MYG1: variants seen among roughly 807,000 people sequenced by gnomAD.
MYG1 encodes the protein MYG1 exonuclease, also known as UPF0160 protein MYG1, mitochondrial.
A neutral mutation model predicts 43.5 loss-of-function variants in MYG1; 36 were observed. The observed-to-expected ratio is 0.83, with a 90% CI of 0.63 to 1.09. MYG1 has a LOEUF of 1.09. MYG1 is among the 50% of genes least tolerant of loss of function. The pLI is 0.00. For missense variants in MYG1, 529 were observed against 495.1 expected, an observed-to-expected ratio of 1.07 and a Z score of -0.65; for synonymous variants, 220 against 202.8, an observed-to-expected ratio of 1.08 and a Z score of -0.72.
At chr12:53,300,038 T>C in intron 1 of MYG1, 85 bp downstream of exon 1, 1 of 1,562,552 alleles carries the variant, frequency 6.4e-7, no homozygotes. Flanking sequence ...GTCACTCCGA[T>C]AGCGCCCGGC....
chr12:53,304,871 T>G (rs1944259947), intron 3 of MYG1, among the ~76,000 whole-genome samples: 2 of 142,752 alleles, frequency 1.4e-5, no homozygotes, highest in Admixed American at 7.0e-5. Flanking sequence ...GTTTTTTTTT[T>G]TTTTTTTTTT....
rs1256063807 is a variant in MYG1, at chr12:53,299,715, T to C, written c.-23T>C. On this transcript the variant is annotated 5_prime_UTR_variant, in exon 1 of 7. Transcript: ENST00000267103. ...GCTTCCTCTTCCGGGTCGGCGCTCCTGCCTCCCTGCAGGGAGCTGCTTATG... is the reference window on the plus strand; with the variant it reads ...GCTTCCTCTTCCGGGTCGGCGCTCCCGCCTCCCTGCAGGGAGCTGCTTATG... 6.9e-6 allele frequency: 11 copies of C among 1,594,648 alleles called. No individual in the cohort carries two copies. The highest frequency in any genetic ancestry group is 2.7e-5 in the African/African-American group (2 of 74,366).
chr12:53,306,976 C>T lies in MYG1; in HGVS notation c.958C>T (p.Pro320Ser). ...CCTCTTTCTGCCCAGGCTGCCCCTG[C>T]CAGAGCCATGGCGGGGTCTTCGGGA... is the stretch of plus-strand genomic sequence containing the variant. Reference protein sequence around the residue: ...PHSFQSRLPLPEPWRGLRDEA... With the variant: ...PHSFQSRLPLSEPWRGLRDEA... Residue 320 changes from proline (P) to serine (S), a missense_variant, in exon 7 of 7, where the codon CCA becomes TCA. Physicochemically the swap from Pro to Ser is moderately conservative, Grantham distance 74 (BLOSUM62 -1). Coordinates refer to ENST00000267103, the MANE Select transcript of MYG1 (RefSeq NM_021640.4). The T allele has an allele frequency of 6.2e-7, 1 of 1,613,556 alleles. No individual in the cohort carries two copies. The highest frequency in any genetic ancestry group is 1.1e-5 in the South Asian group (1 of 91,024).
intron 5 of MYG1, 147 bp downstream of exon 5, chr12:53,306,467 C>G: frequency 8.0e-7 from 1 of 1,252,992 alleles, no homozygotes; most frequent in Non-Finnish European, 1.1e-6. Context: ...CCTCAGCCTC[C>G]TGAGTAGCTG....
rs151319927 is a variant in MYG1 at position 53,300,221 on chromosome 12, C to A, written c.288C>A (p.Gly96=). The change falls in exon 2 of 7, where the codon GGC becomes GGA. Residue 96 remains glycine, a synonymous_variant. Coordinates refer to ENST00000267103, the MANE Select transcript of MYG1 (RefSeq NM_021640.4). ...GTGACATCGTGGTGGACGTGGGGGG[C>A]GAGTACGACCCTCGGAGACACCGAT... ...ASCDIVVDVG[G]EYDPRRHRYD... 113 of 1,602,768 alleles carry A rather than the reference C, an allele frequency of 7.1e-5. No homozygotes were observed. The African/African-American group carries it at 1.4e-3, about 20-fold the overall frequency.
chr12:53,306,533 A>G (rs1944283938), intron 5 of MYG1, 147 bp from the exon 6 acceptor site: 2 of 1,078,496 alleles, frequency 1.9e-6, no homozygotes, highest in African/African-American at 1.6e-5. Flanking sequence ...TTGTAGAGAC[A>G]GGGTCTTACT....
At chr12:53,301,369 A>G (rs929405955) in intron 2 of MYG1, among the ~76,000 whole-genome samples, 6 of 152,222 alleles carry the variant, frequency 3.9e-5, no homozygotes, top group African/African-American at 1.4e-4. Context: ...AGAAGTAATT[A>G]TCTTGGAGAG....
At chr12:53,306,888 G>A (rs1262617676) in intron 6 of MYG1, 27 bp downstream of exon 6, 2 of 1,609,002 alleles carry the variant, frequency 1.2e-6, no homozygotes, top group African/African-American at 2.7e-5. Context: ...CCACTCTGCA[G>A]ACCTTCAGGC....
chr12:53,304,317 G>T (rs1297299214), intron 3 of MYG1, among the ~76,000 whole-genome samples: 1 of 151,622 alleles, frequency 6.6e-6, no homozygotes, highest in African/African-American at 2.4e-5. Context: ...ACGGGGTCTT[G>T]CTCTGTCATC....
intron 2 of MYG1, among the ~76,000 whole-genome samples, chr12:53,302,405 T>G (rs1302153595): frequency 1.3e-5 from 2 of 152,236 alleles, no homozygotes; most frequent in African/African-American, 4.8e-5. Flanking sequence ...GTTATATCTT[T>G]TCTCTATTTT....
At chr12:53,305,078 CG>C (rs1944262994) in intron 3 of MYG1, among the ~76,000 whole-genome samples, 1 of 150,720 alleles carries the variant, frequency 6.6e-6, no homozygotes, top group Admixed American at 6.6e-5. Context: ...CCGTTTTAGC[CG>C]GGATGGTCTC....
In MYG1 at chr12:53,305,901, G is replaced by A. The variant is rs1291844380; in HGVS notation, c.490-7G>A. ...CCTCAAGAAGGTTTCCCCTGCTGCT[G>A]CCTTAGATGTATGAGAACTTTGTGG... On this transcript the variant is annotated splice_region_variant and splice_polypyrimidine_tract_variant and intron_variant, in intron 3 of 6. Transcript: ENST00000267103. 1.3e-6 allele frequency: 2 copies of A among 1,591,878 alleles called. No individual in the cohort carries two copies. The highest frequency in any genetic ancestry group is 1.7e-6 in the Non-Finnish European group (2 of 1,170,736).
chr12:53,299,812 GCTCGGTCCAGAGT>G lies in MYG1; in HGVS notation c.77_89del (p.Leu26ProfsTer87), dbSNP rs1944209230. 6.2e-7 allele frequency: 1 copy of G among 1,614,026 alleles called. No homozygotes were observed. Among genetic ancestry groups the G allele is most frequent in the African/African-American group, 1.3e-5 (1 of 74,920 alleles). Reference sequence around the variant, plus strand: ...CACCCCTGTATACCCGGCACCGCATGCTCGGTCCAGAGTCCGTCCCGCCCCCAAAACGATCCCG... The same window carrying G: ...CACCCCTGTATACCCGGCACCGCATGCCGTCCCGCCCCCAAAACGATCCCG... On this transcript the variant is annotated frameshift_variant, in exon 1 of 7. Coordinates refer to ENST00000267103, the MANE Select transcript of MYG1 (RefSeq NM_021640.4). LOFTEE classifies it high-confidence loss of function.
chr12:53,305,858 C>T lies in MYG1; in HGVS notation c.490-50C>T. Reference sequence around the variant, plus strand: ...ACATACTTTGAATCATGTAAGATTTCACATAAGTAGCAGGTAGCCTCAAGA... The same window carrying T: ...ACATACTTTGAATCATGTAAGATTTTACATAAGTAGCAGGTAGCCTCAAGA... On this transcript the variant is annotated intron_variant, in intron 3 of 6. Coordinates refer to ENST00000267103, the MANE Select transcript of MYG1 (RefSeq NM_021640.4). 2.6e-6 allele frequency: 4 copies of T among 1,537,218 alleles called. No individual in the cohort carries two copies. In the East Asian group the frequency reaches 9.1e-5, roughly 35 times the overall value.
chr12:53,303,398 A>G, intron 3 of MYG1: 3 of 551,692 alleles, frequency 5.4e-6, no homozygotes, highest in Non-Finnish European at 9.4e-6. Context: ...TGGTTGTGAG[A>G]AGTGGATGCT....
chr12:53,299,991 T>C (rs1245534445), intron 1 of MYG1, 38 bp downstream of exon 1: 1 of 1,610,292 alleles, frequency 6.2e-7, no homozygotes, highest in Non-Finnish European at 8.5e-7. Context: ...ACTGCGTGCA[T>C]GCATGCCTCC....
chr12:53,305,972 G>T lies in MYG1; in HGVS notation c.554G>T (p.Gly185Val), dbSNP rs753491194. 1 of 1,613,910 alleles carries T rather than the reference G, an allele frequency of 6.2e-7. No individual in the cohort carries two copies. The highest frequency in any genetic ancestry group is 1.1e-5 in the South Asian group (1 of 91,062). The stretch of plus-strand genomic sequence containing the variant: ...AATGGGATCTCCCAGTGGGCAGAGG[G>T]GGAGCCTCGATATGCACTGACCACT... ...VDNGISQWAE[G>V]EPRYALTTTL... Residue 185 changes from glycine to valine, a missense_variant, in exon 4 of 7, where the codon GGG (glycine) becomes GTG (valine). Transcript: ENST00000267103.
In MYG1 at chr12:53,305,893, C is replaced by CT. The variant is rs1944272514; in HGVS notation, c.490-14dup. On this transcript the variant is annotated splice_polypyrimidine_tract_variant and intron_variant, in intron 3 of 6. Transcript: ENST00000267103. ...GCAGGTAGCCTCAAGAAGGTTTCCC[C>CT]TGCTGCTGCCTTAGATGTATGAGAA... 1 of 1,571,698 alleles carries CT rather than the reference C, an allele frequency of 6.4e-7. No homozygotes were observed. Among genetic ancestry groups the CT allele is most frequent in the Non-Finnish European group, 8.6e-7 (1 of 1,159,798 alleles).
At chr12:53,304,135 A>G (rs946881918) in intron 3 of MYG1, among the ~76,000 whole-genome samples, 2 of 151,350 alleles carry the variant, frequency 1.3e-5, no homozygotes, top group African/African-American at 2.4e-5. Context: ...GAGCCACTGC[A>G]CCCGGCCCAT....
Sources: gnomAD v4.1 joint callset for allele counts (sites outside exome capture counted in the v4.1 genomes callset) on GRCh38, gnomAD v4.1.1 for gene constraint, MANE v1.5 for transcripts, NCBI Gene and HGNC (gene_info 2026-07-23, HGNC 2026-07-21) for gene names.